VPS26A: variants seen among roughly 807,000 people sequenced by gnomAD.
VPS26A encodes the protein vacuolar protein sorting-associated protein 26A.
VPS26A carries 22 observed loss-of-function variants against 42.4 expected under a neutral mutation model. The ratio of observed to expected loss-of-function variants is 0.52; its 90% CI spans 0.37 to 0.74. VPS26A has a LOEUF of 0.74. Ranked by LOEUF, VPS26A falls within the 30% of genes least tolerant of loss-of-function variation. The pLI is 0.00. For synonymous variants in VPS26A, 110 were observed against 123.5 expected (o/e 0.89, Z 0.73); for missense variants, 276 against 379.2 (o/e 0.73, Z 2.26).
intron 7 of VPS26A, among the ~76,000 whole-genome samples, chr10:69,168,022 C>T (rs1841730428): frequency 6.6e-6 from 1 of 152,188 alleles, no homozygotes; most frequent in Admixed American, 6.5e-5. Flanking sequence ...AGTCCTTACA[C>T]ATTCCTTGTG....
At chr10:69,155,225 T>G (rs751918073) in intron 2 of VPS26A, among the ~76,000 whole-genome samples, 5 of 152,214 alleles carry the variant, frequency 3.3e-5, no homozygotes, top group Non-Finnish European at 7.3e-5. Flanking sequence ...GGTAGCAGAC[T>G]TAGGACAAAA....
At chr10:69,141,466 T>A (rs1037614790) in intron 2 of VPS26A, among the ~76,000 whole-genome samples, 7 of 152,202 alleles carry the variant, frequency 4.6e-5, no homozygotes, top group Admixed American at 2.0e-4. Context: ...AAAGAGCATT[T>A]CTGATCAAAT....
At chr10:69,150,559 G>T (rs541947402) in intron 2 of VPS26A, among the ~76,000 whole-genome samples, 1 of 151,566 alleles carries the variant, frequency 6.6e-6, no homozygotes, top group African/African-American at 2.4e-5. Context: ...CACCACACCC[G>T]GCTAATTTTT....
intron 2 of VPS26A, among the ~76,000 whole-genome samples, chr10:69,150,696 A>G (rs1841284867): frequency 6.6e-6 from 1 of 151,980 alleles, no homozygotes; most frequent in Non-Finnish European, 1.5e-5. Context: ...CGCGCCCGGC[A>G]GAGAATGTCT....
intron 2 of VPS26A, among the ~76,000 whole-genome samples, chr10:69,147,199 C>T (rs1244703604): frequency 6.6e-6 from 1 of 151,972 alleles, no homozygotes; most frequent in African/African-American, 2.4e-5. Context: ...GTGCTTATTG[C>T]CATATGTCTG....
At chr10:69,164,577 T>A (rs2132235978) in intron 6 of VPS26A, among the ~76,000 whole-genome samples, 1 of 152,286 alleles carries the variant, frequency 6.6e-6, no homozygotes, top group East Asian at 1.9e-4. Context: ...TTGTGGTGGT[T>A]CATGCCATGT....
At chr10:69,130,635 C>G (rs1564672321) in intron 1 of VPS26A, among the ~76,000 whole-genome samples, 1 of 152,182 alleles carries the variant, frequency 6.6e-6, no homozygotes, top group Non-Finnish European at 1.5e-5. Flanking sequence ...ACCTCTGTAT[C>G]AAATGCTCAG....
At chr10:69,134,943 A>AG (rs1235002959) in intron 2 of VPS26A, among the ~76,000 whole-genome samples, 1 of 152,062 alleles carries the variant, frequency 6.6e-6, no homozygotes, top group Admixed American at 6.6e-5. Flanking sequence ...AAAAAAAAAA[A>AG]TGGAGAAAAA....
Position 69,162,529 on chromosome 10 carries a change from A to T in VPS26A, c.658+17A>T, listed in dbSNP as rs368693428. 1.7e-4 allele frequency: 243 copies of T among 1,435,094 alleles called. No individual in the cohort carries two copies. The highest frequency in any genetic ancestry group is 4.9e-4 in the Admixed American group (22 of 45,086). 88.9% of individuals were successfully genotyped at this position (1,435,094 alleles called of 1,614,324 possible). A position where few individuals can be genotyped will look rare whatever the true frequency, so the allele number is the denominator to read the frequency against. ...CAGGAATTGGTAAGTTGAAAAGAGT[A>T]TGTAAATTAAAATTCTTTGTTTTAG... On this transcript the variant is annotated intron_variant, in intron 6 of 8. Transcript: ENST00000263559.
At position 69,166,057 on chromosome 10, in the gene VPS26A, C is replaced by T; in HGVS notation, c.674C>T (p.Thr225Ile). ...EITGIGPSTT[T>I]ETETIAKYEI... ...ATTGCACTAGGACCCAGTACCACAACAGAAACAGAAACAATCGCCAAATAT... is the reference window on the plus strand; with the variant it reads ...ATTGCACTAGGACCCAGTACCACAATAGAAACAGAAACAATCGCCAAATAT... Residue 225 changes from threonine to isoleucine, a missense_variant, in exon 7 of 9, where the codon ACA (threonine) becomes ATA (isoleucine). Transcript: ENST00000263559. 1 of 1,613,804 alleles carries T rather than the reference C, an allele frequency of 6.2e-7. No individual in the cohort carries two copies. The highest frequency in any genetic ancestry group is 8.5e-7 in the Non-Finnish European group (1 of 1,179,824).
intron 2 of VPS26A, among the ~76,000 whole-genome samples, chr10:69,155,338 A>G (rs1214333405): frequency 3.3e-5 from 5 of 152,144 alleles, no homozygotes; most frequent in Admixed American, 2.6e-4. Flanking sequence ...TTGACCGACA[A>G]ATTTCTGAGC....
chr10:69,137,612 T>G (rs1344148254), intron 2 of VPS26A, among the ~76,000 whole-genome samples: 1 of 152,170 alleles, frequency 6.6e-6, no homozygotes, highest in Non-Finnish European at 1.5e-5. Flanking sequence ...TTACCTGGTT[T>G]GATCAATTCC....
intron 2 of VPS26A, among the ~76,000 whole-genome samples, chr10:69,140,675 G>A (rs1037507854): frequency 1.3e-5 from 2 of 152,122 alleles, no homozygotes; most frequent in African/African-American, 2.4e-5. Context: ...GTGAACCACT[G>A]TGCCTGGCCC....
chr10:69,136,719 C>T (rs528943429), intron 2 of VPS26A, among the ~76,000 whole-genome samples: 2 of 152,182 alleles, frequency 1.3e-5, no homozygotes, highest in Non-Finnish European at 2.9e-5. Context: ...TATCTTGTGA[C>T]CTAGTGGTAC....
chr10:69,169,718 TC>T (rs771367555), intron 8 of VPS26A, among the ~76,000 whole-genome samples: 3 of 151,948 alleles, frequency 2.0e-5, no homozygotes, highest in Non-Finnish European at 4.4e-5. Context: ...AAGCAGTTCT[TC>T]CGCCTCAGCC....
chr10:69,153,609 C>T (rs1841368944), intron 2 of VPS26A, among the ~76,000 whole-genome samples: 2 of 151,918 alleles, frequency 1.3e-5, no homozygotes, highest in South Asian at 4.2e-4. Context: ...CTGCCTCTGC[C>T]TCCCAAAGTG....
chr10:69,142,019 G>A (rs11813266), intron 2 of VPS26A, among the ~76,000 whole-genome samples: 24,552 of 151,838 alleles, frequency 0.16, 2,620 homozygotes, highest in Non-Finnish European at 0.23. Context: ...GAGTAGCTGG[G>A]ATTACAGGCG....
chr10:69,124,711 T>G (rs1479143055), intron 1 of VPS26A, among the ~76,000 whole-genome samples: 2 of 152,260 alleles, frequency 1.3e-5, no homozygotes, highest in South Asian at 2.1e-4. Flanking sequence ...ACTTGGGCAC[T>G]CAGTGTGTCA....
At chr10:69,155,952 G>A (rs1286005175) in intron 3 of VPS26A, 65 bp downstream of exon 3, 4 of 1,290,278 alleles carry the variant, frequency 3.1e-6, no homozygotes, top group Non-Finnish European at 4.3e-6. Context: ...GTTGGATTTT[G>A]CACCAAAATA....
Sources: gnomAD v4.1 joint callset for allele counts (sites outside exome capture counted in the v4.1 genomes callset) on GRCh38, gnomAD v4.1.1 for gene constraint, MANE v1.5 for transcripts, NCBI Gene and HGNC (gene_info 2026-07-23, HGNC 2026-07-21) for gene names.